NAGA: variants seen among roughly 807,000 people sequenced by gnomAD.
NAGA encodes Acetylgalactosaminidase, alpha-N- (alpha-galactosidase B).
A neutral mutation model predicts 45.6 loss-of-function variants in NAGA; 42 were observed. The ratio of observed to expected loss-of-function variants is 0.92; its 90% CI spans 0.72 to 1.19. The LOEUF is 1.19. NAGA is among the 50% of genes most tolerant of loss of function. The probability of loss-of-function intolerance (pLI) is 0.00; values close to 1 mark genes in which losing one functional copy is unlikely to be tolerated. For missense variants in NAGA, 493 were observed against 544.8 expected, an observed-to-expected ratio of 0.90 and a Z score of 0.95; for synonymous variants, 176 against 203.1, an observed-to-expected ratio of 0.87 and a Z score of 1.13.
intron 7 of NAGA, among the ~76,000 whole-genome samples, chr22:42,061,685 C>A (rs533340140): frequency 3.3e-5 from 5 of 152,304 alleles, no homozygotes; most frequent in African/African-American, 1.2e-4. Flanking sequence ...TGGCTCATGC[C>A]TGTAATCCCA....
chr22:42,060,762 C>G (rs1926325309), intron 8 of NAGA, among the ~76,000 whole-genome samples, 162 bp downstream of exon 8: 1 of 152,226 alleles, frequency 6.6e-6, no homozygotes, highest in African/African-American at 2.4e-5. Context: ...CAGAGCACGG[C>G]ACTGGCTGCA....
chr22:42,062,865 G>C lies in NAGA; in HGVS notation c.919C>G (p.Gln307Glu), dbSNP rs764652981. ...LQNPLMIKIN[Q>E]DPLGIQGRRI... ...CGTCCCTGGATGCCTAAGGGATCCTGGTTGATTTTGATCATGAGTGGATTC... is the reference window on the plus strand; with the variant it reads ...CGTCCCTGGATGCCTAAGGGATCCTCGTTGATTTTGATCATGAGTGGATTC... Residue 307 changes from glutamine to glutamate, a missense_variant, in exon 7 of 9, where the codon CAG (glutamine) becomes GAG (glutamate). Gln to Glu is a conservative substitution (Grantham distance 29). Coordinates refer to ENST00000396398, the MANE Select transcript of NAGA (RefSeq NM_000262.3). 1 of 1,614,194 alleles carries C rather than the reference G, an allele frequency of 6.2e-7. No homozygotes were observed. The highest frequency in any genetic ancestry group is 1.1e-5 in the South Asian group (1 of 91,076).
Position 42,063,042 on chromosome 22 carries a change from G to T in NAGA, c.760-18C>A, listed in dbSNP as rs748643524. The T allele has an allele frequency of 1.9e-6, 3 of 1,611,844 alleles. No homozygotes were observed. The highest frequency in any genetic ancestry group is 1.7e-5 in the Admixed American group (1 of 59,786). ...ATGAGCAGCTGGGGGCAGAGAAGAG[G>T]AGTAGTCAGCTCTCATCTCCTCAAG... is the stretch of plus-strand genomic sequence containing the variant. On this transcript the variant is annotated intron_variant, in intron 6 of 8. Coordinates refer to ENST00000396398, the MANE Select transcript of NAGA (RefSeq NM_000262.3).
chr22:42,066,999 C>T, intron 4 of NAGA, 114 bp downstream of exon 4: 3 of 1,521,828 alleles, frequency 2.0e-6, no homozygotes, highest in Non-Finnish European at 2.7e-6. Flanking sequence ...GAGCCACAAT[C>T]CCCCTAACCC....
rs748271790 is a variant in NAGA, at chr22:42,065,881, C to CCAG, written c.613_615dup (p.Leu205dup). ...TTACGCCAGAGGTTGCAGATGTCCG[C>CCAG]CAGCAGACTGTAGTTCACCTGGATG... On this transcript the variant is annotated inframe_insertion, in exon 6 of 9. Transcript: ENST00000396398. The CCAG allele has an allele frequency of 6.2e-7, 1 of 1,614,114 alleles. No homozygotes were observed. Among genetic ancestry groups the CCAG allele is most frequent in the African/African-American group, 1.3e-5 (1 of 75,046 alleles).
At position 42,068,174 on chromosome 22, in the gene NAGA, C is replaced by T. The variant is rs139228129; in HGVS notation, c.153-238G>A. 2.6e-3 allele frequency among the ~76,000 whole-genome samples: 395 copies of T among 152,310 alleles called. 2 individuals carry two copies. The highest frequency in any genetic ancestry group is 8.9e-3 in the African/African-American group (370 of 41,564). On this transcript the variant is annotated intron_variant, in intron 2 of 8. Transcript: ENST00000396398. ...CTGGGTCAGGGGAAGTACAGGGGGCCTGGCCTGACCTTCTAAGAGTTATCT... is the reference window on the plus strand; with the variant it reads ...CTGGGTCAGGGGAAGTACAGGGGGCTTGGCCTGACCTTCTAAGAGTTATCT...
intron 1 of NAGA, 141 bp from the exon 2 acceptor site, chr22:42,068,715 G>T: frequency 8.1e-7 from 1 of 1,231,848 alleles, no homozygotes; most frequent in Non-Finnish European, 1.1e-6. Context: ...TGGGTTTAGG[G>T]TAGAATTGGC....
At chr22:42,066,874 T>C in intron 4 of NAGA, 70 bp from the exon 5 acceptor site, 1 of 1,485,492 alleles carries the variant, frequency 6.7e-7, no homozygotes, top group Non-Finnish European at 9.3e-7. Context: ...AGCCCAGACC[T>C]TTTCCCAACA....
intron 8 of NAGA, 86 bp downstream of exon 8, chr22:42,060,838 G>T (rs1926332042): frequency 1.3e-6 from 2 of 1,580,598 alleles, no homozygotes; most frequent in Non-Finnish European, 1.7e-6. Flanking sequence ...CTCAGGGGAG[G>T]CCATATGTGA....
Position 42,060,260 on chromosome 22 carries a change from T to TG in NAGA, c.*18dup. ...TAGGCTCAGTGGTGCCACCACAGCCTGTCACATGTCCCAGCTCCTCACTGC... is the reference window on the plus strand; with the variant it reads ...TAGGCTCAGTGGTGCCACCACAGCCTGGTCACATGTCCCAGCTCCTCACTGC... On this transcript the variant is annotated 3_prime_UTR_variant, in exon 9 of 9. Transcript: ENST00000396398. 2 of 1,612,698 alleles carry TG rather than the reference T, an allele frequency of 1.2e-6. No individual in the cohort carries two copies. The highest frequency in any genetic ancestry group is 1.8e-4 in the Middle Eastern group (1 of 5,408).
chr22:42,060,149 T>A lies in NAGA; in HGVS notation c.*130A>T. On this transcript the variant is annotated 3_prime_UTR_variant, in exon 9 of 9. Coordinates refer to ENST00000396398, the MANE Select transcript of NAGA (RefSeq NM_000262.3). ...TAGAACCTGGCCGTGAGATTGCACT[T>A]TGGGTATGATGGGGTCAGTCACCGA... 5 of 1,230,854 alleles carry A rather than the reference T, an allele frequency of 4.1e-6. No individual in the cohort carries two copies. The highest frequency in any genetic ancestry group is 5.9e-6 in the Non-Finnish European group (5 of 848,800). 76.2% of individuals were successfully genotyped at this position (1,230,854 alleles called of 1,614,324 possible).
Position 42,065,803 on chromosome 22 carries a change from A to C in NAGA, c.694T>G (p.Phe232Val). 1 of 1,614,094 alleles carries C rather than the reference A, an allele frequency of 6.2e-7. No homozygotes were observed. ...WWSVLSILNW[F>V]VEHQDILQPV... ...TGCAGTATGTCCTGGTGCTCCACGA[A>C]CCAATTCAGGATGGAGAGCACGCTC... is the stretch of plus-strand genomic sequence containing the variant. Residue 232 changes from phenylalanine (F) to valine (V), a missense_variant, in exon 6 of 9, where the codon TTC becomes GTC. Transcript: ENST00000396398.
chr22:42,061,682 T>A (rs1926402058), intron 7 of NAGA, among the ~76,000 whole-genome samples: 1 of 152,208 alleles, frequency 6.6e-6, no homozygotes. Context: ...CAGTGGCTCA[T>A]GCCTGTAATC....
intron 1 of NAGA, 25 bp from the exon 2 acceptor site, chr22:42,068,599 G>A (rs770925237): frequency 6.2e-7 from 1 of 1,613,512 alleles, no homozygotes; most frequent in Admixed American, 1.7e-5. Flanking sequence ...AGGAGGGGAT[G>A]GTGACTATCA....
At position 42,065,780 on chromosome 22, in the gene NAGA, C is replaced by T; in HGVS notation, c.717G>A (p.Leu239=). 5 of 1,614,162 alleles carry T rather than the reference C, an allele frequency of 3.1e-6. No homozygotes were observed. Among genetic ancestry groups the T allele is most frequent in the Non-Finnish European group, 3.4e-6 (4 of 1,180,032 alleles). The change falls in exon 6 of 9, where the codon CTG becomes CTA. Residue 239 remains leucine, a synonymous_variant. Transcript: ENST00000396398. The part of the protein sequence containing the change: ...LNWFVEHQDI[L]QPVAGPGHWN... The stretch of plus-strand genomic sequence containing the variant: ...AGTGCCCAGGGCCGGCCACTGGCTG[C>T]AGTATGTCCTGGTGCTCCACGAACC...
At position 42,062,866 on chromosome 22, in the gene NAGA, G is replaced by A. The variant is rs1926489204; in HGVS notation, c.918C>T (p.Asn306=). The change falls in exon 7 of 9, where the codon AAC becomes AAT. Residue 306 remains asparagine, a synonymous_variant. Transcript: ENST00000396398. ...GTCCCTGGATGCCTAAGGGATCCTG[G>A]TTGATTTTGATCATGAGTGGATTCT... The part of the protein sequence containing the change: ...ILQNPLMIKI[N]QDPLGIQGRR... 6.2e-7 allele frequency: 1 copy of A among 1,614,158 alleles called. No individual in the cohort carries two copies. The highest frequency in any genetic ancestry group is 8.5e-7 in the Non-Finnish European group (1 of 1,180,032).
In NAGA at chr22:42,065,860, G is replaced by A. The variant is rs752981639; in HGVS notation, c.637C>T (p.Arg213Cys). Reference protein sequence around the residue: ...SLLADICNLWRNYDDIQDSWW... With the variant: ...SLLADICNLWCNYDDIQDSWW... ...GAGTCCTGGATGTCATCATAGTTAC[G>A]CCAGAGGTTGCAGATGTCCGCCAGC... is the stretch of plus-strand genomic sequence containing the variant. Residue 213 changes from arginine (R) to cysteine (C), a missense_variant, in exon 6 of 9, where the codon CGT (arginine) becomes TGT (cysteine). Transcript: ENST00000396398. The A allele has an allele frequency of 2.2e-5, 35 of 1,614,020 alleles. No individual in the cohort carries two copies. Among genetic ancestry groups the A allele is most frequent in the Non-Finnish European group, 2.8e-5 (33 of 1,180,018 alleles).
At chr22:42,067,313 T>A (rs568209141) in intron 3 of NAGA, 23 bp from the exon 4 acceptor site, 1 of 1,613,584 alleles carries the variant, frequency 6.2e-7, no homozygotes, top group African/African-American at 1.3e-5. Flanking sequence ...GAGGACACAG[T>A]GGGCTCAAGC....
chr22:42,070,721 T>TC lies in NAGA; in HGVS notation c.-425dup, dbSNP rs1268010035. On this transcript the variant is annotated 5_prime_UTR_variant, in exon 1 of 9. Coordinates refer to ENST00000396398, the MANE Select transcript of NAGA (RefSeq NM_000262.3). ...CCGGGTCCGGGTTCCCGCCCTGGGC[T>TC]CCCCAAAACCGCAGAGCCCCCTCCC... is the stretch of plus-strand genomic sequence containing the variant. The TC allele has an allele frequency of 6.4e-6, 2 of 314,680 alleles. No homozygotes were observed. Among genetic ancestry groups the TC allele is most frequent in the African/African-American group, 4.3e-5 (2 of 46,426 alleles). The allele number at this position is 314,680 out of a possible 1,614,324, so 19.5% of individuals were successfully genotyped here.
Sources: allele counts gnomAD v4.1 joint callset (sites outside exome capture counted in the v4.1 genomes callset), GRCh38; gene constraint gnomAD v4.1.1; transcripts MANE v1.5; gene names NCBI Gene and HGNC (gene_info 2026-07-23, HGNC 2026-07-21).